The following DNM3 variants were observed in gnomAD, a reference collection of about 807,000 sequenced individuals.
The protein encoded by DNM3 is dynamin-3.
Under a neutral mutation model 101.6 loss-of-function variants are expected in DNM3, and 47 were observed. The observed-to-expected ratio is 0.46, with a 90% CI of 0.37 to 0.59. DNM3 has a LOEUF of 0.59. Ranked by LOEUF, DNM3 falls within the 20% of genes least tolerant of loss-of-function variation. DNM3 has a pLI of 0.00. For missense variants in DNM3, 849 were observed against 1,085.7 expected (o/e 0.78, Z 3.06); for synonymous variants, 385 against 387.9 (o/e 0.99, Z 0.09).
At chr1:171,949,537 A>C (rs1450909054) in intron 2 of DNM3, among the ~76,000 whole-genome samples, 2 of 152,130 alleles carry the variant, frequency 1.3e-5, no homozygotes, top group African/African-American at 4.8e-5. Flanking sequence ...AGCCTCCTGA[A>C]TATATGGGAC....
chr1:172,374,204 C>G (rs1265832312), intron 17 of DNM3, among the ~76,000 whole-genome samples: 2 of 152,042 alleles, frequency 1.3e-5, no homozygotes, highest in African/African-American at 4.8e-5. Flanking sequence ...CAAAAATTAA[C>G]TTAAATTTCC....
intron 15 of DNM3, among the ~76,000 whole-genome samples, chr1:172,286,743 C>T (rs1196399276): frequency 1.3e-5 from 2 of 152,216 alleles, no homozygotes; most frequent in Non-Finnish European, 2.9e-5. Context: ...CCTTTCAAAG[C>T]CATGCCTCAC....
chr1:172,034,114 T>C (rs2048800555), intron 6 of DNM3, among the ~76,000 whole-genome samples: 1 of 152,174 alleles, frequency 6.6e-6, no homozygotes, highest in Admixed American at 6.6e-5. Flanking sequence ...TGTCACAATA[T>C]GTGACATTAT....
intron 10 of DNM3, 73 bp downstream of exon 10, chr1:172,048,823 C>G: frequency 6.5e-7 from 1 of 1,528,734 alleles, no homozygotes; most frequent in Non-Finnish European, 8.9e-7. Context: ...TTGCATGATT[C>G]TCTTTCCCTG....
chr1:172,135,262 C>T (rs2148110991), intron 14 of DNM3, among the ~76,000 whole-genome samples: 1 of 152,226 alleles, frequency 6.6e-6, no homozygotes, highest in South Asian at 2.1e-4. Context: ...GTTCCCTGTC[C>T]TACCACCAGG....
intron 2 of DNM3, chr1:171,970,190 A>G (rs1364155520): frequency 4.8e-6 from 3 of 624,034 alleles, no homozygotes; most frequent in South Asian, 7.2e-5. Context: ...TTATATCTTG[A>G]AATAATTTTT....
intron 13 of DNM3, among the ~76,000 whole-genome samples, chr1:172,111,327 T>C (rs889363178): frequency 5.3e-5 from 8 of 152,212 alleles, no homozygotes; most frequent in Admixed American, 3.9e-4. Context: ...GTACCAATAA[T>C]TTATTGACTA....
At chr1:171,877,170 A>C (rs2035859636) in intron 1 of DNM3, among the ~76,000 whole-genome samples, 1 of 152,144 alleles carries the variant, frequency 6.6e-6, no homozygotes, top group African/African-American at 2.4e-5. Flanking sequence ...ATAAATTATA[A>C]TTTTAGCCAT....
At chr1:172,138,494 A>G (rs1413210396) in intron 14 of DNM3, 1 of 154,510 alleles carries the variant, frequency 6.5e-6, no homozygotes, top group Non-Finnish European at 1.4e-5. Flanking sequence ...ATATCAATAT[A>G]GGGTGCTGCA....
At chr1:172,103,168 A>T (rs2054773834) in intron 13 of DNM3, among the ~76,000 whole-genome samples, 1 of 152,152 alleles carries the variant, frequency 6.6e-6, no homozygotes. Flanking sequence ...TTTGGAGTAT[A>T]TATACACATA....
At chr1:171,903,077 C>A (rs992449512) in intron 1 of DNM3, among the ~76,000 whole-genome samples, 25 of 151,920 alleles carry the variant, frequency 1.6e-4, no homozygotes, top group African/African-American at 5.1e-4. Context: ...ATTGCTTGAG[C>A]CCAGGAGGTC....
intron 1 of DNM3, among the ~76,000 whole-genome samples, chr1:171,865,707 T>G (rs1316852208): frequency 6.6e-6 from 1 of 152,124 alleles, no homozygotes; most frequent in Non-Finnish European, 1.5e-5. Flanking sequence ...TTTTGTTATC[T>G]TCGAGGATTA....
chr1:171,885,306 G>A (rs1402168074), intron 1 of DNM3, among the ~76,000 whole-genome samples: 1 of 151,946 alleles, frequency 6.6e-6, no homozygotes, highest in East Asian at 1.9e-4. Flanking sequence ...TATTTTTTAC[G>A]GAAAAGTAAA....
intron 14 of DNM3, among the ~76,000 whole-genome samples, chr1:172,196,334 T>C (rs557202440): frequency 1.3e-5 from 2 of 152,206 alleles, no homozygotes; most frequent in South Asian, 4.1e-4. Context: ...TTATTCCGTG[T>C]CTTTGCTATT....
Position 172,233,086 on chromosome 1 carries a change from A to G in DNM3, c.1660-20487A>G, listed in dbSNP as rs144480329. Among the ~76,000 whole-genome samples the G allele has an allele frequency of 4.4e-3, 663 of 152,352 alleles. 2 individuals carry two copies. The highest frequency in any genetic ancestry group is 0.015 in the African/African-American group (625 of 41,578). The stretch of plus-strand genomic sequence containing the variant: ...AGACACAAAAACCCTTCAAAAAATC[A>G]GTGAATCCAGAACCTAGTTTTTTGA... On this transcript the variant is annotated intron_variant, in intron 14 of 20. Transcript: ENST00000627582.
chr1:172,262,965 T>C (rs754023716), intron 15 of DNM3, among the ~76,000 whole-genome samples: 1 of 152,256 alleles, frequency 6.6e-6, no homozygotes, highest in Non-Finnish European at 1.5e-5. Flanking sequence ...TTAGAAAAGA[T>C]GTATTTCCTC....
chr1:172,192,286 A>C (rs898907913), intron 14 of DNM3, among the ~76,000 whole-genome samples: 18 of 151,356 alleles, frequency 1.2e-4, no homozygotes, highest in Admixed American at 5.3e-4. Flanking sequence ...TGTTTATATG[A>C]TGGATTACAT....
At chr1:172,180,498 C>T (rs921932806) in intron 14 of DNM3, among the ~76,000 whole-genome samples, 7 of 152,058 alleles carry the variant, frequency 4.6e-5, no homozygotes, top group Non-Finnish European at 7.4e-5. Context: ...GTAATATCTG[C>T]AATGCATTTT....
At chr1:172,376,315 T>C (rs771801813) in intron 17 of DNM3, 6 of 152,102 alleles carry the variant, frequency 3.9e-5, no homozygotes, top group Non-Finnish European at 5.9e-5. Flanking sequence ...AGACCATTCT[T>C]TTTTGCCTCA....
Sources: allele counts gnomAD v4.1 joint callset (sites outside exome capture counted in the v4.1 genomes callset), GRCh38; gene constraint gnomAD v4.1.1; transcripts MANE v1.5; gene names NCBI Gene and HGNC (gene_info 2026-07-23, HGNC 2026-07-21).